FAM221A: variants seen among roughly 807,000 people sequenced by gnomAD.
The protein encoded by FAM221A is family with sequence similarity 221 member A.
Under a neutral mutation model 37.6 loss-of-function variants are expected in FAM221A, and 43 were observed. The observed-to-expected ratio is 1.15, with a 90% confidence interval of 0.90 to 1.48. FAM221A has a LOEUF of 1.48. Among genes scored for constraint, FAM221A ranks in the 40% most tolerant of loss-of-function variants. FAM221A has a pLI of 0.00. For missense variants in FAM221A, 361 were observed against 361.5 expected (o/e 1.00, Z 0.01); for synonymous variants, 135 against 132.9 (o/e 1.02, Z -0.11).
intron 1 of FAM221A, among the ~76,000 whole-genome samples, chr7:23,682,434 TTATTA>T (rs1332067802): frequency 2.4e-4 from 16 of 66,192 alleles, no homozygotes; most frequent in African/African-American, 5.7e-4. Flanking sequence ...ATTATTATTA[TTATTA>T]TTTTTTTTTT....
rs1182725725 is a variant in FAM221A at position 23,691,496 on chromosome 7, A to G, written c.537A>G (p.Glu179=). 6.2e-7 allele frequency: 1 copy of G among 1,614,232 alleles called. No individual in the cohort carries two copies. Among genetic ancestry groups the G allele is most frequent in the East Asian group, 2.2e-5 (1 of 44,882 alleles). The change falls in exon 4 of 7, where the codon GAA becomes GAG. Residue 179 remains glutamate (E), a synonymous_variant. Coordinates refer to ENST00000344962, the MANE Select transcript of FAM221A (RefSeq NM_199136.5). The part of the protein sequence containing the change: ...VETKQERLAQ[E]KPVGQDIPYA... The stretch of plus-strand genomic sequence containing the variant: ...CTAAGCAAGAAAGATTGGCTCAGGA[A>G]AAACCAGTGGGACAGGACATTCCTT...
At chr7:23,686,758 G>GT (rs34749823) in intron 2 of FAM221A, 23,934 of 146,072 alleles carry the variant, frequency 0.16, 1,970 homozygotes, top group Middle Eastern at 0.2. Flanking sequence ...CCAGCTGCTA[G>GT]TTTTTTTTTT....
intron 6 of FAM221A, 34 bp downstream of exon 6, chr7:23,700,902 A>G (rs754191888): frequency 3.2e-5 from 42 of 1,323,958 alleles, no homozygotes; most frequent in Admixed American, 8.1e-5. Context: ...TGCACTAAGC[A>G]TTTACTTGTA....
intron 3 of FAM221A, among the ~76,000 whole-genome samples, chr7:23,689,745 A>G (rs1304054124): frequency 6.6e-6 from 1 of 152,210 alleles, no homozygotes; most frequent in Non-Finnish European, 1.5e-5. Flanking sequence ...GATTTTAAAG[A>G]ATTGCCAGAT....
At chr7:23,690,199 A>ATATATTTTTTTTT (rs774313037) in intron 3 of FAM221A, among the ~76,000 whole-genome samples, 3 of 48,740 alleles carry the variant, frequency 6.2e-5, no homozygotes, top group East Asian at 8.5e-4. Context: ...ATATATATAT[A>ATATATTTTTTTTT]TTTTTTTTTT....
At position 23,687,332 on chromosome 7, in the gene FAM221A, A is replaced by T. The variant is rs1022293730; in HGVS notation, c.240-1937A>T. ...TCTGTTCTTCCTTTCGCTTTAACCA[A>T]TTCTGCATTTGTTTTATGTATTCTG... is the stretch of plus-strand genomic sequence containing the variant. On this transcript the variant is annotated intron_variant, in intron 2 of 6. Transcript: ENST00000344962. 4 of 152,122 alleles carry T rather than the reference A, an allele frequency of 2.6e-5. No homozygotes were observed. The East Asian group carries it at 7.7e-4, about 29-fold the overall frequency. The allele number at this position is 152,122 out of a possible 1,614,324, so 9.4% of individuals were successfully genotyped here. A position where few individuals can be genotyped will look rare whatever the true frequency, so the allele number is the denominator to read the frequency against.
At chr7:23,688,541 G>A (rs899431380) in intron 2 of FAM221A, 2 of 151,384 alleles carry the variant, frequency 1.3e-5, no homozygotes, top group African/African-American at 2.4e-5. Flanking sequence ...ATCAACACAT[G>A]TTTATTGAAT....
chr7:23,686,957 G>A (rs1206022602), intron 2 of FAM221A: 3 of 152,072 alleles, frequency 2.0e-5, no homozygotes, highest in Admixed American at 1.3e-4. Flanking sequence ...TGCTAATTTT[G>A]TATTTTTAGC....
rs553824715 is a variant in FAM221A, at chr7:23,691,589, TG to T, written c.633del (p.Ile212LeufsTer9). 9,996 of 1,613,936 alleles carry T rather than the reference TG, an allele frequency of 6.2e-3. 40 individuals are homozygous for T. The highest frequency in any genetic ancestry group is 7.7e-3 in the Non-Finnish European group (9,033 of 1,179,812). On this transcript the variant is annotated frameshift_variant, in exon 4 of 7. Transcript: ENST00000344962. LOFTEE classifies it high-confidence loss of function. Reference sequence around the variant, plus strand: ...AAGGCTACATGCGGTTAGATGACAGTGGGATTGGTAAGTGATACTATATGAA... The same window carrying T: ...AAGGCTACATGCGGTTAGATGACAGTGGATTGGTAAGTGATACTATATGAA... The part of the protein sequence containing the change: ...AEGYMRLDDS[G>X]IGVPSVEFLE...
rs1424642274 is a variant in FAM221A, at chr7:23,698,233, G to T, written c.679G>T (p.Val227Leu). The change falls in exon 5 of 7, where the codon GTA becomes TTA. Residue 227 changes from valine (V) to leucine (L), a missense_variant. Transcript: ENST00000344962. ...ATTTTTAGAATCTCCCATTACGGCAGTAGACAGCCCATTCCTAAAAGCATT... is the reference window on the plus strand; with the variant it reads ...ATTTTTAGAATCTCCCATTACGGCATTAGACAGCCCATTCCTAAAAGCATT... Reference protein sequence around the residue: ...VEFLESPITAVDSPFLKAFQA... With the variant: ...VEFLESPITALDSPFLKAFQA... 1.3e-6 allele frequency: 2 copies of T among 1,599,026 alleles called. No homozygotes were observed. The highest frequency in any genetic ancestry group is 3.5e-5 in the Admixed American group (2 of 57,858).
chr7:23,698,047 A>G, intron 4 of FAM221A, 145 bp from the exon 5 acceptor site: 2 of 581,444 alleles, frequency 3.4e-6, no homozygotes, highest in South Asian at 4.6e-5. Flanking sequence ...GGCATGAGCC[A>G]TTACACCCAG....
chr7:23,681,538 G>C lies in FAM221A; in HGVS notation c.65+1255G>C, dbSNP rs187381165. The stretch of plus-strand genomic sequence containing the variant: ...GGGTTCAAGTGATTCTCCTGCCTCA[G>C]CCTCCCGAGTAGCTGGGACTACAGG... On this transcript the variant is annotated intron_variant, in intron 1 of 6. Transcript: ENST00000344962. Among the ~76,000 whole-genome samples the C allele has an allele frequency of 1.3e-3, 194 of 152,234 alleles. 2 individuals carry two copies. Among genetic ancestry groups the C allele is most frequent in the African/African-American group, 4.3e-3 (179 of 41,538 alleles).
chr7:23,696,642 C>A (rs1445008591), intron 4 of FAM221A, among the ~76,000 whole-genome samples: 1 of 152,116 alleles, frequency 6.6e-6, no homozygotes, highest in African/African-American at 2.4e-5. Context: ...TATATGCAGT[C>A]CATTGTTGAC....
At chr7:23,682,142 T>C (rs1178919384) in intron 1 of FAM221A, among the ~76,000 whole-genome samples, 7 of 151,982 alleles carry the variant, frequency 4.6e-5, no homozygotes, top group Admixed American at 3.9e-4. Context: ...AATGGCTGAC[T>C]GCAACCTTGA....
intron 2 of FAM221A, chr7:23,687,107 C>T (rs1404313495): frequency 1.3e-5 from 2 of 152,184 alleles, no homozygotes; most frequent in Non-Finnish European, 2.9e-5. Context: ...TATGTGTGTG[C>T]ATAAAATACT....
chr7:23,686,132 CT>C (rs1189125502), intron 2 of FAM221A, among the ~76,000 whole-genome samples: 5 of 152,190 alleles, frequency 3.3e-5, no homozygotes, highest in Non-Finnish European at 7.3e-5. Flanking sequence ...GTGTTGATAT[CT>C]TTCAGAATTA....
At chr7:23,692,101 AC>A in intron 4 of FAM221A, 2 of 583,910 alleles carry the variant, frequency 3.4e-6, no homozygotes, top group Non-Finnish European at 4.3e-6. Context: ...ATGTATGTGC[AC>A]ACACATATAT....
chr7:23,686,131 T>C (rs1294423429), intron 2 of FAM221A, among the ~76,000 whole-genome samples: 1 of 152,244 alleles, frequency 6.6e-6, no homozygotes, highest in East Asian at 1.9e-4. Context: ...TGTGTTGATA[T>C]CTTTCAGAAT....
In FAM221A at chr7:23,684,582, T is replaced by A. The variant is rs751118991; in HGVS notation, c.149T>A (p.Leu50Ter). 6 of 1,614,010 alleles carry A rather than the reference T, an allele frequency of 3.7e-6. No homozygotes were observed. The highest frequency in any genetic ancestry group is 4.2e-6 in the Non-Finnish European group (5 of 1,179,958). The change falls in exon 2 of 7, where the codon TTA becomes TAA. Residue 50 changes from leucine to a stop codon, truncating the protein, a stop_gained. Transcript: ENST00000344962. LOFTEE classifies it high-confidence loss of function. The stretch of plus-strand genomic sequence containing the variant: ...AAAAGAAAAGTTTTACCTCTGCGCT[T>A]ACAAAACAGATTATTTGTGAGCTGG... Reference protein sequence around the residue: ...EYKRKVLPLRLQNRLFVSWRS... With the variant: ...EYKRKVLPLR
Sources: gnomAD v4.1 joint callset for allele counts (sites outside exome capture counted in the v4.1 genomes callset) on GRCh38, gnomAD v4.1.1 for gene constraint, MANE v1.5 for transcripts, NCBI Gene and HGNC (gene_info 2026-07-23, HGNC 2026-07-21) for gene names.